The following NTM variants were observed in gnomAD, a reference collection of about 807,000 sequenced individuals.
The protein encoded by NTM is neurotrimin.
In NTM, 13 loss-of-function variants were observed where a neutral mutation model predicts 42.1. The observed-to-expected ratio is 0.31, with a 90% CI of 0.20 to 0.49. The LOEUF is 0.49. Ranked by LOEUF, NTM falls within the 20% of genes least tolerant of loss-of-function variation. The pLI is 0.99. For missense variants in NTM, 373 were observed against 452.8 expected, an observed-to-expected ratio of 0.82 and a Z score of 1.60; for synonymous variants, 187 against 179.2, an observed-to-expected ratio of 1.04 and a Z score of -0.35.
intron 1 of NTM, among the ~76,000 whole-genome samples, chr11:131,884,786 TG>T (rs2050126401): frequency 6.6e-6 from 1 of 152,198 alleles, no homozygotes; most frequent in East Asian, 1.9e-4. Context: ...TGTGGGTTCC[TG>T]GGACAAAACA....
chr11:131,919,081 A>G (rs2056848974), intron 2 of NTM, among the ~76,000 whole-genome samples: 2 of 150,930 alleles, frequency 1.3e-5, no homozygotes, highest in Non-Finnish European at 2.9e-5. Flanking sequence ...CCATAGCACC[A>G]GGGGAACAAG....
At chr11:132,134,851 G>A (rs1271406545) in intron 2 of NTM, among the ~76,000 whole-genome samples, 6 of 150,146 alleles carry the variant, frequency 4.0e-5, no homozygotes, top group Non-Finnish European at 7.4e-5. Context: ...ATATACATGC[G>A]TGTGCAAGTA....
chr11:132,197,343 A>G (rs1002797855), intron 3 of NTM, among the ~76,000 whole-genome samples: 1 of 152,162 alleles, frequency 6.6e-6, no homozygotes, highest in African/African-American at 2.4e-5. Context: ...TGATTCTATT[A>G]ATAGTTGGAT....
chr11:131,558,400 G>C (rs2055749247), intron 1 of NTM, among the ~76,000 whole-genome samples: 1 of 152,108 alleles, frequency 6.6e-6, no homozygotes, highest in African/African-American at 2.4e-5. Context: ...GGACAGACAG[G>C]GAGGCCTGTT....
chr11:131,571,894 T>C (rs540132396), intron 1 of NTM, among the ~76,000 whole-genome samples: 1 of 152,240 alleles, frequency 6.6e-6, no homozygotes, highest in South Asian at 2.1e-4. Flanking sequence ...AGAGCACATA[T>C]GAAAAAAAGT....
At chr11:131,833,750 A>C (rs1435699479) in intron 1 of NTM, among the ~76,000 whole-genome samples, 6 of 152,286 alleles carry the variant, frequency 3.9e-5, no homozygotes, top group African/African-American at 1.4e-4. Context: ...GCTTCTGAGG[A>C]GGCAGGATAG....
At chr11:131,962,073 A>G (rs1192156014) in intron 2 of NTM, among the ~76,000 whole-genome samples, 1 of 152,004 alleles carries the variant, frequency 6.6e-6, no homozygotes, top group Non-Finnish European at 1.5e-5. Flanking sequence ...GTGGGTGCCT[A>G]CACCCATCAG....
At chr11:131,725,964 T>A (rs2078918406) in intron 1 of NTM, among the ~76,000 whole-genome samples, 1 of 152,174 alleles carries the variant, frequency 6.6e-6, no homozygotes, top group Non-Finnish European at 1.5e-5. Context: ...TCTCTGGGGA[T>A]GATTCTGCTA....
rs141301316 is a variant in NTM at position 132,121,733 on chromosome 11, C to G, written c.168-24549C>G. ...GCAGACCCACCCCTCTGTTCCTCCCCCCTCTCTCGAACCAGCCTAGACTAT... is the reference window on the plus strand; with the variant it reads ...GCAGACCCACCCCTCTGTTCCTCCCGCCTCTCTCGAACCAGCCTAGACTAT... On this transcript the variant is annotated intron_variant, in intron 2 of 8. Coordinates refer to ENST00000683400, the MANE Select transcript of NTM (RefSeq NM_001352005.2). Among the ~76,000 whole-genome samples the G allele has an allele frequency of 2.7e-3, 414 of 152,280 alleles. 3 individuals are homozygous for G. Among genetic ancestry groups the G allele is most frequent in the African/African-American group, 9.2e-3 (382 of 41,550 alleles).
intron 1 of NTM, among the ~76,000 whole-genome samples, chr11:131,416,193 G>GT (rs11367745): frequency 8.4e-4 from 123 of 145,678 alleles, no homozygotes; most frequent in African/African-American, 1.1e-3. Context: ...TTCTTTTCAT[G>GT]TTTTTTTTTT....
chr11:131,732,504 C>T (rs562323977), intron 1 of NTM, among the ~76,000 whole-genome samples: 1 of 152,282 alleles, frequency 6.6e-6, no homozygotes, highest in Non-Finnish European at 1.5e-5. Flanking sequence ...GGACAACAAA[C>T]TTTCTCACTG....
At chr11:131,484,840 ATATAAT>A (rs1460879241) in intron 1 of NTM, among the ~76,000 whole-genome samples, 4 of 152,326 alleles carry the variant, frequency 2.6e-5, no homozygotes, top group East Asian at 1.9e-4. Context: ...AGAATTCAAA[ATATAAT>A]TATAAGAAGG....
intron 2 of NTM, among the ~76,000 whole-genome samples, chr11:131,948,361 T>C (rs140710349): frequency 4.6e-5 from 3 of 64,868 alleles, no homozygotes; most frequent in Admixed American, 4.0e-4. Context: ...TGAGACTCCA[T>C]CTCAAAAAAA....
intron 1 of NTM, among the ~76,000 whole-genome samples, chr11:131,652,093 GAGT>G (rs2066571466): frequency 1.1e-4 from 5 of 45,402 alleles, no homozygotes; most frequent in Non-Finnish European, 2.7e-4. Context: ...CTAGACTTAT[GAGT>G]TAACTTGTGA....
chr11:131,673,119 G>A (rs1020294294), intron 1 of NTM, among the ~76,000 whole-genome samples: 4 of 152,174 alleles, frequency 2.6e-5, no homozygotes, highest in Non-Finnish European at 5.9e-5. Flanking sequence ...GATGGAGAGG[G>A]CTAGGGAGGG....
At chr11:131,431,834 G>C (rs1465074626) in intron 1 of NTM, among the ~76,000 whole-genome samples, 2 of 152,036 alleles carry the variant, frequency 1.3e-5, no homozygotes, top group African/African-American at 4.8e-5. Flanking sequence ...TCCCAACCCA[G>C]CTCCCAGGGA....
chr11:131,624,953 A>G (rs1252671374), intron 1 of NTM, among the ~76,000 whole-genome samples: 2 of 152,204 alleles, frequency 1.3e-5, no homozygotes, highest in Admixed American at 6.5e-5. Context: ...TGCTCCCTCA[A>G]AAAAGAAATT....
At chr11:131,920,096 A>G (rs1160252372) in intron 2 of NTM, among the ~76,000 whole-genome samples, 1 of 152,202 alleles carries the variant, frequency 6.6e-6, no homozygotes, top group African/African-American at 2.4e-5. Flanking sequence ...CCCATCAGAA[A>G]AATTCATCCA....
chr11:131,612,800 G>A lies in NTM; in HGVS notation c.82+241912G>A, dbSNP rs562659974. On this transcript the variant is annotated intron_variant, in intron 1 of 8. Transcript: ENST00000683400. ...GTGCTGCAGGGCCCCACTAAGAGCA[G>A]CCTCTCTGGCTGAGTCTCTGGGCAC... Among the ~76,000 whole-genome samples the A allele has an allele frequency of 2.6e-5, 4 of 152,350 alleles. No individual in the cohort carries two copies. The South Asian group carries it at 6.2e-4, about 24-fold the overall frequency.
Sources: gnomAD v4.1 joint callset for allele counts (sites outside exome capture counted in the v4.1 genomes callset) on GRCh38, gnomAD v4.1.1 for gene constraint, MANE v1.5 for transcripts, NCBI Gene and HGNC (gene_info 2026-07-23, HGNC 2026-07-21) for gene names.